Variants in MTM1 observed in about 807,000 individuals in gnomAD.
MTM1 encodes the protein myotubularin 1, also known as myotubularin.
A neutral mutation model predicts 52.1 loss-of-function variants in MTM1; 9 were observed. That is an observed-to-expected ratio of 0.17 (90% CI 0.10 to 0.30). The LOEUF (loss-of-function observed/expected upper bound fraction) is 0.30, where lower values mean the gene tolerates loss of function less well. MTM1 is among the 10% of genes least tolerant of loss of function. MTM1 has a pLI of 1.00. For synonymous variants in MTM1, 136 were observed against 163.8 expected (o/e 0.83, Z 1.29); for missense variants, 277 against 470.7 (o/e 0.59, Z 3.81).
intron 1 of MTM1, among the ~76,000 whole-genome samples, chrX:150,574,500 A>G (rs1471251146): frequency 2.7e-4 from 30 of 112,520 alleles, no homozygotes; most frequent in Admixed American, 2.4e-3. Context: ...GCGCTAGCCA[A>G]TAGAGAATGT....
chrX:150,650,216 C>T (rs1212666868), intron 10 of MTM1, among the ~76,000 whole-genome samples: 1 of 69,180 alleles, frequency 1.4e-5, no homozygotes, highest in Admixed American at 1.7e-4. Flanking sequence ...GATATGACCT[C>T]TTTGGACCTA....
intron 4 of MTM1, among the ~76,000 whole-genome samples, chrX:150,602,368 T>G (rs1283510516): frequency 8.9e-6 from 1 of 112,386 alleles, no homozygotes; most frequent in African/African-American, 3.2e-5. Flanking sequence ...GTCATATTTA[T>G]TTGCTGCTAT....
At position 150,657,844 on chromosome X, in the gene MTM1, A is replaced by G. The variant is rs1299457466; in HGVS notation, c.1077A>G (p.Gln359=). Residue 359 remains glutamine (Q), a synonymous_variant, in exon 11 of 15, where the codon CAA becomes CAG. Transcript: ENST00000370396. ...AGCTCGTTTTGACAGGAGCCATTCA[A>G]GTAGCAGACAAAGTTTCTTCAGGGA... is the stretch of plus-strand genomic sequence containing the variant. ...HIKLVLTGAI[Q]VADKVSSGKS... is the part of the protein sequence containing the mutation. The G allele has an allele frequency of 2.5e-6, 3 of 1,210,103 alleles. No homozygotes were observed. Among genetic ancestry groups the G allele is most frequent in the East Asian group, 5.9e-5 (2 of 33,766 alleles).
chrX:150,631,576 T>C (rs1380759205), intron 6 of MTM1, among the ~76,000 whole-genome samples: 2 of 105,422 alleles, frequency 1.9e-5, no homozygotes, highest in Non-Finnish European at 3.9e-5. Flanking sequence ...GGCACGAGAA[T>C]TGCTTGAACC....
In MTM1 at chrX:150,596,447, CAG is replaced by C. The variant is rs782149878; in HGVS notation, c.64-50_64-49del. 2,989 of 974,211 alleles carry C rather than the reference CAG, an allele frequency of 3.1e-3. 4 individuals carry two copies. Among genetic ancestry groups the C allele is most frequent in the Middle Eastern group, 0.015 (40 of 2,643 alleles). The allele number at this position is 974,211 out of a possible 1,213,427, so 80.3% of individuals were successfully genotyped here. ...GCTTGTATTCCTAGTTGCTTAAAAA[CAG>C]TGTGTAAATGTAACGTCATTACTTC... On this transcript the variant is annotated intron_variant, in intron 2 of 14. Transcript: ENST00000370396.
chrX:150,655,167 A>G (rs2040089842), intron 10 of MTM1, among the ~76,000 whole-genome samples: 1 of 109,496 alleles, frequency 9.1e-6, no homozygotes, highest in Non-Finnish European at 1.9e-5. Flanking sequence ...CTACTAAAAA[A>G]TACAAAAATT....
intron 9 of MTM1, among the ~76,000 whole-genome samples, chrX:150,647,213 A>ATATATATATATATATATATG (rs1429019336): frequency 9.8e-6 from 1 of 101,887 alleles, no homozygotes; most frequent in Non-Finnish European, 2.0e-5. Context: ...ATATATATAT[A>ATATATATATATATATATATG]TATATATAGC....
At chrX:150,658,795 T>C (rs1166022037) in intron 11 of MTM1, among the ~76,000 whole-genome samples, 1 of 112,152 alleles carries the variant, frequency 8.9e-6, no homozygotes, top group Non-Finnish European at 1.9e-5. Context: ...CCAGGTTTCA[T>C]AGTGTGAATA....
intron 5 of MTM1, among the ~76,000 whole-genome samples, chrX:150,616,358 CA>C (rs1187367113): frequency 2.7e-5 from 3 of 112,069 alleles, no homozygotes; most frequent in African/African-American, 9.7e-5. Context: ...TTCTCAGTAA[CA>C]AACCTGACAT....
chrX:150,667,799 A>C (rs782148178), intron 14 of MTM1, among the ~76,000 whole-genome samples: 1 of 112,161 alleles, frequency 8.9e-6, no homozygotes, highest in Non-Finnish European at 1.9e-5. Flanking sequence ...TCGCAGTAGA[A>C]ATGTGGGCAC....
At chrX:150,645,108 TTGA>T (rs1161567062) in intron 8 of MTM1, among the ~76,000 whole-genome samples, 1 of 111,890 alleles carries the variant, frequency 8.9e-6, no homozygotes, top group African/African-American at 3.3e-5. Flanking sequence ...GAATCAGGGC[TTGA>T]TGAGGTCTCC....
intron 1 of MTM1, among the ~76,000 whole-genome samples, chrX:150,576,947 T>C (rs1557411668): frequency 8.9e-6 from 1 of 112,540 alleles, no homozygotes; most frequent in Non-Finnish European, 1.9e-5. Flanking sequence ...AGTATATTTT[T>C]ACTTACAAAT....
At chrX:150,611,790 G>A (rs782032904) in intron 4 of MTM1, among the ~76,000 whole-genome samples, 1 of 111,967 alleles carries the variant, frequency 8.9e-6, no homozygotes, top group South Asian at 3.7e-4. Flanking sequence ...TTAGAGTCGC[G>A]CTATCCCTCC....
In MTM1 at chrX:150,600,565, A is replaced by G. The variant is rs2039051769; in HGVS notation, c.231+1879A>G. On this transcript the variant is annotated intron_variant, in intron 4 of 14. Transcript: ENST00000370396. ...CAAACTGAAGAGAGTTCAGACACAG[A>G]TAACCAGGTTAGTGAAGGGACTGCA... is the stretch of plus-strand genomic sequence containing the variant. Among the ~76,000 whole-genome samples the G allele has an allele frequency of 5.4e-5, 6 of 112,071 alleles. No homozygotes were observed. In the South Asian group the frequency reaches 1.9e-3, roughly 35 times the overall value.
chrX:150,568,020 T>C (rs781794913), upstream of MTM1, among the ~76,000 whole-genome samples: 2 of 112,149 alleles, frequency 1.8e-5, no homozygotes, highest in African/African-American at 3.2e-5. Flanking sequence ...TAAGTCTCAA[T>C]TGCGTTCTTG....
upstream of MTM1, among the ~76,000 whole-genome samples, chrX:150,566,580 T>C (rs1049564362): frequency 3.6e-5 from 4 of 111,134 alleles, no homozygotes; most frequent in African/African-American, 1.3e-4. Flanking sequence ...CTACTGGCCC[T>C]TTCTGGTTGA....
At chrX:150,591,314 A>G (rs1465357024) in intron 1 of MTM1, among the ~76,000 whole-genome samples, 1 of 111,847 alleles carries the variant, frequency 8.9e-6, no homozygotes. Context: ...ATTTCACAGT[A>G]TTGTATATTT....
chrX:150,646,369 A>G (rs2039932049), intron 9 of MTM1, among the ~76,000 whole-genome samples: 1 of 113,075 alleles, frequency 8.8e-6, no homozygotes, highest in Non-Finnish European at 1.9e-5. Context: ...GCACAAACAT[A>G]TACACAAAGT....
chrX:150,595,515 C>G (rs1169462358), intron 2 of MTM1, among the ~76,000 whole-genome samples: 3 of 112,209 alleles, frequency 2.7e-5, no homozygotes, highest in Non-Finnish European at 5.6e-5. Flanking sequence ...CACAAAACTG[C>G]TCTAACGGAA....
Sources: gnomAD v4.1 joint callset for allele counts (sites outside exome capture counted in the v4.1 genomes callset) on GRCh38, gnomAD v4.1.1 for gene constraint, MANE v1.5 for transcripts, NCBI Gene and HGNC (gene_info 2026-07-23, HGNC 2026-07-21) for gene names.